The following VAMP7 variants were observed in gnomAD, a reference collection of about 807,000 sequenced individuals.
The protein encoded by VAMP7 is vesicle associated membrane protein 7, also known as vesicle-associated membrane protein 7.
Under a neutral mutation model 29.6 loss-of-function variants are expected in VAMP7, and 14 were observed. The ratio of observed to expected loss-of-function variants is 0.47; its 90% CI spans 0.31 to 0.74. The LOEUF (loss-of-function observed/expected upper bound fraction) is 0.74. Ranked by LOEUF, VAMP7 falls within the 30% of genes least tolerant of loss-of-function variation. VAMP7 has a pLI of 0.05. For synonymous variants in VAMP7, 95 were observed against 88.1 expected (o/e 1.08, Z -0.44); for missense variants, 223 against 262.4 (o/e 0.85, Z 1.04).
At chrX:155,924,582 T>A (rs1384357837) in intron 6 of VAMP7, among the ~76,000 whole-genome samples, 1 of 152,152 alleles carries the variant, frequency 6.6e-6, no homozygotes, top group East Asian at 1.9e-4. Context: ...TCACTAAGCA[T>A]AATAGTTTAT....
chrX:155,921,236 T>A (rs1291055572), intron 6 of VAMP7, among the ~76,000 whole-genome samples: 9 of 152,138 alleles, frequency 5.9e-5, no homozygotes, highest in African/African-American at 2.2e-4. Flanking sequence ...AACAGGTATC[T>A]CTCTTTATGG....
rs1003789587 is a variant in VAMP7, at chrX:155,942,097, C to T, written c.*146C>T. On this transcript the variant is annotated 3_prime_UTR_variant, in exon 8 of 8. Transcript: ENST00000286448. ...CACTTTTTAAAATCTTGTTCCATGC[C>T]TCCAGGTTTATCTTTGTCTTATCTA... 7 of 1,556,274 alleles carry T rather than the reference C, an allele frequency of 4.5e-6. No homozygotes were observed. In the African/African-American group the frequency reaches 6.8e-5, roughly 15 times the overall value.
At chrX:155,890,350 T>TTTTA (rs753165878) in intron 2 of VAMP7, among the ~76,000 whole-genome samples, 8,983 of 151,290 alleles carry the variant, frequency 0.059, 929 homozygotes, top group African/African-American at 0.21. Flanking sequence ...GTCAGGTTTG[T>TTTTA]TTTATTTATT....
chrX:155,905,246 C>T (rs765944657), intron 5 of VAMP7, among the ~76,000 whole-genome samples: 107 of 151,792 alleles, frequency 7.0e-4, no homozygotes, highest in Non-Finnish European at 1.1e-3. Context: ...TTTAAAAATA[C>T]TTTATTGTTT....
At chrX:155,937,125 A>T (rs937382129) in intron 6 of VAMP7, among the ~76,000 whole-genome samples, 2 of 152,202 alleles carry the variant, frequency 1.3e-5, no homozygotes, top group African/African-American at 4.8e-5. Context: ...TAAAATGTGG[A>T]TGAAACTAGA....
chrX:155,904,081 C>T (rs1434180949), intron 5 of VAMP7, among the ~76,000 whole-genome samples: 1 of 151,588 alleles, frequency 6.6e-6, no homozygotes, highest in Non-Finnish European at 1.5e-5. Context: ...TGGAAATCCT[C>T]ATTCTCAGTA....
chrX:155,917,520 A>T (rs1485172179), intron 5 of VAMP7, among the ~76,000 whole-genome samples: 1 of 152,014 alleles, frequency 6.6e-6, no homozygotes, highest in African/African-American at 2.4e-5. Context: ...GTTGATGTTG[A>T]TGCTATTCCT....
At chrX:155,907,599 T>G (rs1221900827) in intron 5 of VAMP7, among the ~76,000 whole-genome samples, 1 of 151,806 alleles carries the variant, frequency 6.6e-6, no homozygotes, top group Non-Finnish European at 1.5e-5. Context: ...GGTAAGGTCA[T>G]AGATCAACAG....
rs184778277 is a variant in VAMP7 at position 155,915,541 on chromosome X, C to T, written c.434-4272C>T. Among the ~76,000 whole-genome samples, 506 of 152,266 alleles carry T rather than the reference C, an allele frequency of 3.3e-3. 1 individual carries two copies. Among genetic ancestry groups the T allele is most frequent in the African/African-American group, 0.012 (480 of 41,558 alleles). On this transcript the variant is annotated intron_variant, in intron 5 of 7. Transcript: ENST00000286448. ...CCTCTAAATACTGCTTTAGCTGTGTCCCAGAGATTCTGGTACGTTGTGTCT... is the reference window on the plus strand; with the variant it reads ...CCTCTAAATACTGCTTTAGCTGTGTTCCAGAGATTCTGGTACGTTGTGTCT...
At chrX:155,909,908 G>T (rs1313910500) in intron 5 of VAMP7, among the ~76,000 whole-genome samples, 1 of 152,072 alleles carries the variant, frequency 6.6e-6, no homozygotes, top group East Asian at 1.9e-4. Context: ...GATATATGGG[G>T]TGTCCATCAG....
At chrX:155,913,638 C>T (rs1421047139) in intron 5 of VAMP7, among the ~76,000 whole-genome samples, 1 of 152,084 alleles carries the variant, frequency 6.6e-6, no homozygotes, top group Non-Finnish European at 1.5e-5. Flanking sequence ...GAATCCTTTC[C>T]CCATTGCTTG....
chrX:155,922,294 C>T (rs964290321), intron 6 of VAMP7, among the ~76,000 whole-genome samples: 4 of 151,856 alleles, frequency 2.6e-5, no homozygotes, highest in Non-Finnish European at 5.9e-5. Flanking sequence ...ACATCCTTGC[C>T]TATTGACCAT....
chrX:155,924,552 C>T (rs1262943176), intron 6 of VAMP7, among the ~76,000 whole-genome samples: 3 of 151,916 alleles, frequency 2.0e-5, no homozygotes, highest in African/African-American at 7.3e-5. Flanking sequence ...CAAAATTTGC[C>T]CTTTTGTGTC....
At chrX:155,908,404 C>T (rs533519947) in intron 5 of VAMP7, among the ~76,000 whole-genome samples, 15 of 152,262 alleles carry the variant, frequency 9.9e-5, no homozygotes, top group African/African-American at 3.1e-4. Context: ...CAAAAAAATA[C>T]GAAAACCAGT....
At chrX:155,914,543 C>G (rs974234171) in intron 5 of VAMP7, among the ~76,000 whole-genome samples, 19 of 152,072 alleles carry the variant, frequency 1.2e-4, no homozygotes, top group Non-Finnish European at 1.5e-5. Flanking sequence ...TCCATCAATA[C>G]CTAGTTTATT....
chrX:155,900,650 T>C (rs1394740711), intron 5 of VAMP7, 63 bp downstream of exon 5: 1 of 1,433,746 alleles, frequency 7.0e-7, no homozygotes, highest in African/African-American at 1.4e-5. Flanking sequence ...TTGACTGGGG[T>C]CAAATTATTC....
chrX:155,929,628 T>C lies in VAMP7; in HGVS notation c.501+9748T>C, dbSNP rs768499656. 2.0e-5 allele frequency among the ~76,000 whole-genome samples: 3 copies of C among 152,284 alleles called. No individual in the cohort carries two copies. The East Asian group carries it at 5.8e-4, about 29-fold the overall frequency. On this transcript the variant is annotated intron_variant, in intron 6 of 7. Transcript: ENST00000286448. ...GCATTGATGATCAGCATTTTAGATA[T>C]AAGTTTATCCCATGTCACTGGGGAG...
intron 2 of VAMP7, among the ~76,000 whole-genome samples, chrX:155,892,316 A>G (rs2065934750): frequency 6.6e-6 from 1 of 152,036 alleles, no homozygotes; most frequent in Admixed American, 6.5e-5. Context: ...TTTGTACTTT[A>G]ATGCTTCTAA....
At chrX:155,933,160 T>C (rs1331792621) in intron 6 of VAMP7, among the ~76,000 whole-genome samples, 1 of 152,184 alleles carries the variant, frequency 6.6e-6, no homozygotes, top group Admixed American at 6.5e-5. Context: ...TGGTCTAAAA[T>C]TCTCTTTTTG....
Sources: gnomAD v4.1 joint callset for allele counts (sites outside exome capture counted in the v4.1 genomes callset) on GRCh38, gnomAD v4.1.1 for gene constraint, MANE v1.5 for transcripts, NCBI Gene and HGNC (gene_info 2026-07-23, HGNC 2026-07-21) for gene names.